Variants in WWOX observed in about 807,000 individuals in gnomAD.
WWOX encodes WW domain-containing oxidoreductase.
A neutral mutation model predicts 46.2 loss-of-function variants in WWOX; 69 were observed. The observed-to-expected ratio is 1.49, with a 90% CI of 1.23 to 1.82. The LOEUF (loss-of-function observed/expected upper bound fraction) is 1.82, where lower values mean the gene tolerates loss of function less well. Among genes scored for constraint, WWOX ranks in the 40% most tolerant of loss-of-function variants. WWOX has a pLI of 0.00. For synonymous variants in WWOX, 359 were observed against 202.6 expected (o/e 1.77, Z -6.56); for missense variants, 919 against 542.6 (o/e 1.69, Z -6.89).
intron 8 of WWOX, among the ~76,000 whole-genome samples, chr16:78,967,715 C>G (rs181528470): frequency 2.1e-4 from 32 of 152,214 alleles, no homozygotes; most frequent in African/African-American, 7.2e-4. Flanking sequence ...TGAAGGATCA[C>G]CATGAACGGT....
At chr16:78,873,818 G>C (rs1295812890) in intron 8 of WWOX, among the ~76,000 whole-genome samples, 3 of 151,982 alleles carry the variant, frequency 2.0e-5, no homozygotes, top group Admixed American at 1.3e-4. Flanking sequence ...AATAAAACGA[G>C]ATATTTGGAA....
chr16:79,106,466 T>A (rs906008269), intron 8 of WWOX, among the ~76,000 whole-genome samples: 12 of 152,242 alleles, frequency 7.9e-5, no homozygotes, highest in Non-Finnish European at 1.8e-4. Flanking sequence ...TGGGGACACT[T>A]TTTGGTCCCT....
In WWOX at chr16:78,152,570, A is replaced by G. The variant is rs59441926; in HGVS notation, c.410-11613A>G. Among the ~76,000 whole-genome samples the G allele has an allele frequency of 7.2e-3, 1,101 of 152,230 alleles. 14 individuals carry two copies. The highest frequency in any genetic ancestry group is 0.025 in the African/African-American group (1,038 of 41,526). On this transcript the variant is annotated intron_variant, in intron 4 of 8. Coordinates refer to ENST00000566780, the MANE Select transcript of WWOX (RefSeq NM_016373.4). Reference sequence around the variant, plus strand: ...TCTTTACCGACAGGACTGCCGCTCAATGTAGTTACCCTTGTAGAATCTGTC... The same window carrying G: ...TCTTTACCGACAGGACTGCCGCTCAGTGTAGTTACCCTTGTAGAATCTGTC...
intron 8 of WWOX, among the ~76,000 whole-genome samples, chr16:78,962,646 A>T (rs1331616855): frequency 6.6e-6 from 1 of 152,160 alleles, no homozygotes; most frequent in Non-Finnish European, 1.5e-5. Context: ...TCAGAATCTA[A>T]CTTGAGATGT....
intron 8 of WWOX, among the ~76,000 whole-genome samples, chr16:79,194,127 G>T (rs189366555): frequency 3.9e-5 from 6 of 152,092 alleles, no homozygotes; most frequent in Admixed American, 2.0e-4. Context: ...CGTGTGGCAC[G>T]TAATGCATAT....
chr16:78,670,754 C>T (rs576199252), intron 8 of WWOX, among the ~76,000 whole-genome samples: 1 of 152,144 alleles, frequency 6.6e-6, no homozygotes, highest in African/African-American at 2.4e-5. Context: ...TGAAGCAGTT[C>T]TCCTGCTTTG....
At chr16:78,311,170 G>A (rs1052880691) in intron 5 of WWOX, among the ~76,000 whole-genome samples, 3 of 152,134 alleles carry the variant, frequency 2.0e-5, no homozygotes, top group African/African-American at 7.2e-5. Context: ...AGCAATTTCT[G>A]GCAGCTTTGT....
At chr16:78,498,387 C>T (rs1052227818) in intron 8 of WWOX, among the ~76,000 whole-genome samples, 2 of 152,090 alleles carry the variant, frequency 1.3e-5, no homozygotes, top group African/African-American at 4.8e-5. Flanking sequence ...CACATCTCTT[C>T]CCACCCCTTC....
At chr16:78,711,811 C>G (rs1383510635) in intron 8 of WWOX, among the ~76,000 whole-genome samples, 2 of 152,150 alleles carry the variant, frequency 1.3e-5, no homozygotes, top group Admixed American at 6.5e-5. Context: ...CCTGCACACA[C>G]TCTCCCACTG....
At chr16:78,550,540 T>G (rs2044148915) in intron 8 of WWOX, among the ~76,000 whole-genome samples, 1 of 152,248 alleles carries the variant, frequency 6.6e-6, no homozygotes, top group Non-Finnish European at 1.5e-5. Context: ...TCATTTTCTT[T>G]TTTGATTTTC....
intron 5 of WWOX, among the ~76,000 whole-genome samples, chr16:78,185,501 T>C (rs1455968544): frequency 6.6e-6 from 1 of 152,012 alleles, no homozygotes; most frequent in Non-Finnish European, 1.5e-5. Context: ...TTTTTTTTTT[T>C]TAAGTAAGTT....
chr16:78,398,113 C>T (rs777149946), intron 6 of WWOX, among the ~76,000 whole-genome samples: 12 of 152,194 alleles, frequency 7.9e-5, no homozygotes, highest in Non-Finnish European at 1.3e-4. Context: ...ACCAAGGGGT[C>T]GTTTTGCTAT....
At chr16:78,648,643 C>G (rs1016081784) in intron 8 of WWOX, among the ~76,000 whole-genome samples, 13 of 152,154 alleles carry the variant, frequency 8.5e-5, no homozygotes, top group African/African-American at 3.1e-4. Context: ...CTCCCCAAAC[C>G]AATCATACAG....
chr16:78,727,131 G>T (rs545625265), intron 8 of WWOX, among the ~76,000 whole-genome samples: 15 of 152,182 alleles, frequency 9.9e-5, no homozygotes, highest in Non-Finnish European at 1.5e-4. Flanking sequence ...GGGCACAGTG[G>T]CTCACACCTA....
rs10545268 is a variant in WWOX at position 79,119,190 on chromosome 16, TAAA to T, written c.1057-92407_1057-92405del. 8.2e-3 allele frequency among the ~76,000 whole-genome samples: 1,212 copies of T among 148,414 alleles called. 12 individuals carry two copies. The highest frequency in any genetic ancestry group is 0.027 in the African/African-American group (1,103 of 40,740). On this transcript the variant is annotated intron_variant, in intron 8 of 8. Transcript: ENST00000566780. ...CGTCTAACCAGTATTGAGTGCTCATTAAAAAAAAAAAAATCATTACTAATATGA... is the reference window on the plus strand; with the variant it reads ...CGTCTAACCAGTATTGAGTGCTCATTAAAAAAAAAATCATTACTAATATGA...
At chr16:79,017,885 C>T (rs1334179938) in intron 8 of WWOX, among the ~76,000 whole-genome samples, 2 of 152,146 alleles carry the variant, frequency 1.3e-5, no homozygotes, top group African/African-American at 4.8e-5. Flanking sequence ...AGTTTGCTGA[C>T]ATCCAGGCTA....
chr16:78,440,670 G>A (rs971875108), intron 8 of WWOX, among the ~76,000 whole-genome samples: 2 of 151,042 alleles, frequency 1.3e-5, no homozygotes, highest in Non-Finnish European at 2.9e-5. Flanking sequence ...GGATTGGAGT[G>A]TAGTGGCACA....
At chr16:78,846,272 G>C (rs537336076) in intron 8 of WWOX, among the ~76,000 whole-genome samples, 1 of 152,284 alleles carries the variant, frequency 6.6e-6, no homozygotes, top group South Asian at 2.1e-4. Context: ...AGTTAACCTT[G>C]TTATGATGCT....
At chr16:78,194,613 G>A (rs562939828) in intron 5 of WWOX, among the ~76,000 whole-genome samples, 1 of 147,060 alleles carries the variant, frequency 6.8e-6, no homozygotes, top group African/African-American at 2.5e-5. Context: ...AAAGATTTAT[G>A]TCAAGAATTC....
Sources: gnomAD v4.1 joint callset for allele counts (sites outside exome capture counted in the v4.1 genomes callset) on GRCh38, gnomAD v4.1.1 for gene constraint, MANE v1.5 for transcripts, NCBI Gene and HGNC (gene_info 2026-07-23, HGNC 2026-07-21) for gene names.